GREB1: variants seen among roughly 807,000 people sequenced by gnomAD.
GREB1 encodes the protein protein GREB1.
GREB1 carries 106 observed loss-of-function variants against 200.7 expected under a neutral mutation model. The ratio of observed to expected loss-of-function variants is 0.53; its 90% CI spans 0.45 to 0.62. The LOEUF (loss-of-function observed/expected upper bound fraction) is 0.62, where lower values mean the gene tolerates loss of function less well. GREB1 is among the 20% of genes least tolerant of loss of function. GREB1 has a pLI of 0.00. For missense variants in GREB1, 2,243 were observed against 2,556.8 expected (o/e 0.88, Z 2.65); for synonymous variants, 1,132 against 1,092.4 (o/e 1.04, Z -0.72).
intron 1 of GREB1, among the ~76,000 whole-genome samples, chr2:11,486,593 C>T (rs1302251990): frequency 6.6e-6 from 1 of 152,038 alleles, no homozygotes; most frequent in East Asian, 1.9e-4. Flanking sequence ...TAGCTGATGC[C>T]TATAGTCCCA....
chr2:11,538,281 C>T (rs1233570913), intron 1 of GREB1, among the ~76,000 whole-genome samples: 10 of 152,290 alleles, frequency 6.6e-5, no homozygotes, highest in Admixed American at 1.3e-4. Flanking sequence ...TACCCTTTAG[C>T]GCCTGGCAAT....
At chr2:11,491,589 A>G (rs1244305970) in intron 1 of GREB1, among the ~76,000 whole-genome samples, 1 of 152,242 alleles carries the variant, frequency 6.6e-6, no homozygotes, top group Admixed American at 6.5e-5. Context: ...TGGAAGAGCT[A>G]TTCCACCTTC....
chr2:11,596,362 G>A, intron 13 of GREB1, 123 bp downstream of exon 13: 2 of 752,888 alleles, frequency 2.7e-6, no homozygotes, highest in South Asian at 1.8e-5. Flanking sequence ...CAGTGAGGGG[G>A]CAGGGGCACA....
chr2:11,576,438 C>T lies in GREB1; in HGVS notation c.540C>T (p.Thr180=). The change falls in exon 5 of 33, where the codon ACC becomes ACT. Residue 180 remains threonine, a synonymous_variant. Coordinates refer to ENST00000381486, the MANE Select transcript of GREB1 (RefSeq NM_014668.4). The part of the protein sequence containing the change: ...EFSNHINLKL[T]TQPKKQKHLK... ...CCAATCATATAAATCTGAAACTGAC[C>T]ACTCAACCCAAGAAGCAGAAACACT... 4 of 1,613,724 alleles carry T rather than the reference C, an allele frequency of 2.5e-6. No individual in the cohort carries two copies. The South Asian group carries it at 4.4e-5, about 18-fold the overall frequency.
intron 2 of GREB1, among the ~76,000 whole-genome samples, chr2:11,558,217 A>G (rs1023079844): frequency 4.6e-5 from 7 of 152,242 alleles, no homozygotes; most frequent in African/African-American, 1.7e-4. Context: ...GGGGACAGAC[A>G]AGGGCTTGAG....
Position 11,576,467 on chromosome 2 carries a change from A to G in GREB1, c.569A>G (p.Lys190Arg). 2 of 1,614,038 alleles carry G rather than the reference A, an allele frequency of 1.2e-6. No individual in the cohort carries two copies. Among genetic ancestry groups the G allele is most frequent in the Non-Finnish European group, 1.7e-6 (2 of 1,179,840 alleles). The change falls in exon 5 of 33, where the codon AAG becomes AGG. Residue 190 changes from lysine to arginine, a missense_variant. Lys to Arg is a conservative substitution (Grantham distance 26). Coordinates refer to ENST00000381486, the MANE Select transcript of GREB1 (RefSeq NM_014668.4). Reference sequence around the variant, plus strand: ...CAACCCAAGAAGCAGAAACACTTGAAGTATTACCTGGTCCGTAATGCACAA... The same window carrying G: ...CAACCCAAGAAGCAGAAACACTTGAGGTATTACCTGGTCCGTAATGCACAA... ...TTQPKKQKHL[K>R]YYLVRNAQGT...
At chr2:11,592,690 G>A in intron 10 of GREB1, 86 bp from the exon 11 acceptor site, 1 of 827,738 alleles carries the variant, frequency 1.2e-6, no homozygotes, top group Non-Finnish European at 1.8e-6. Context: ...TAATAACTTA[G>A]GTGGGTACTT....
At chr2:11,624,148 A>G (rs1184830064) in intron 23 of GREB1, among the ~76,000 whole-genome samples, 2 of 152,096 alleles carry the variant, frequency 1.3e-5, no homozygotes, top group African/African-American at 4.8e-5. Flanking sequence ...CTAAGAGGAG[A>G]GTGTCAAGTC....
At position 11,638,824 on chromosome 2, in the gene GREB1, CTT is replaced by C; in HGVS notation, c.5686+16_5686+17del. Reference sequence around the variant, plus strand: ...TTTTCTGAAAGGTAACTTTTGTACTCTTAACTCTGCACCTTGTCTTCAATGGC... The same window carrying C: ...TTTTCTGAAAGGTAACTTTTGTACTCAACTCTGCACCTTGTCTTCAATGGC... On this transcript the variant is annotated intron_variant, in intron 32 of 32. Coordinates refer to ENST00000381486, the MANE Select transcript of GREB1 (RefSeq NM_014668.4). 6.2e-7 allele frequency: 1 copy of C among 1,613,258 alleles called. No homozygotes were observed. Among genetic ancestry groups the C allele is most frequent in the East Asian group, 2.2e-5 (1 of 44,882 alleles).
intron 19 of GREB1, among the ~76,000 whole-genome samples, chr2:11,613,960 G>T (rs1683161741): frequency 6.6e-6 from 1 of 152,148 alleles, no homozygotes; most frequent in African/African-American, 2.4e-5. Flanking sequence ...GCAAGTCTGA[G>T]CACGGGGTTG....
At chr2:11,533,510 CA>C (rs1473840823), upstream of GREB1, among the ~76,000 whole-genome samples, 1 of 152,176 alleles carries the variant, frequency 6.6e-6, no homozygotes, top group Non-Finnish European at 1.5e-5. Flanking sequence ...CAGGCACACC[CA>C]GCTCCACAGC....
intron 1 of GREB1, among the ~76,000 whole-genome samples, chr2:11,519,993 C>T (rs188911674): frequency 6.6e-6 from 1 of 152,084 alleles, no homozygotes; most frequent in Non-Finnish European, 1.5e-5. Context: ...CAAAAATTAG[C>T]CAGGCATGGT....
chr2:11,587,168 G>A (rs916170593), intron 9 of GREB1, among the ~76,000 whole-genome samples: 11 of 152,014 alleles, frequency 7.2e-5, no homozygotes, highest in African/African-American at 1.9e-4. Context: ...TGCACCCCTC[G>A]CTGTAAAGCC....
rs1037710544 is a variant in GREB1, at chr2:11,633,532, C to T, written c.4991+469C>T. Among the ~76,000 whole-genome samples the T allele has an allele frequency of 7.3e-5, 11 of 150,874 alleles. No individual in the cohort carries two copies. The highest frequency in any genetic ancestry group is 1.3e-4 in the Non-Finnish European group (9 of 67,836). On this transcript the variant is annotated intron_variant, in intron 28 of 32. Transcript: ENST00000381486. The surrounding 1 kb of genome is among the most constrained non-coding windows in gnomAD (Gnocchi z 4.1). Reference sequence around the variant, plus strand: ...TAAGTGGAGATGGCGCCACTGCACTCCAGCCTGGCAGACAGAGCGAGACTC... The same window carrying T: ...TAAGTGGAGATGGCGCCACTGCACTTCAGCCTGGCAGACAGAGCGAGACTC...
rs1055127706 is a variant in GREB1, at chr2:11,600,569, TACCGTC to T, written c.2334-230_2334-225del. ...TGTCTTGTAAGAAATCCTCTCTGAC[TACCGTC>T]CCACGCCAGACACATTTTTCCTAAG... is the stretch of plus-strand genomic sequence containing the variant. On this transcript the variant is annotated intron_variant, in intron 15 of 32. Coordinates refer to ENST00000381486, the MANE Select transcript of GREB1 (RefSeq NM_014668.4). Among the ~76,000 whole-genome samples the T allele has an allele frequency of 2.6e-5, 4 of 152,268 alleles. 1 individual carries two copies. The highest frequency in any genetic ancestry group is 6.5e-5 in the Admixed American group (1 of 15,302).
Position 11,612,400 on chromosome 2 carries a change from T to C in GREB1, c.3007-95T>C. ...TGGTCAGAAGATATAGTTCAAGGAG[T>C]TTAAATTGGTGTGGGAGGCCATCAG... On this transcript the variant is annotated intron_variant, in intron 18 of 32. Coordinates refer to ENST00000381486, the MANE Select transcript of GREB1 (RefSeq NM_014668.4). 5 of 1,483,732 alleles carry C rather than the reference T, an allele frequency of 3.4e-6. No individual in the cohort carries two copies. In the South Asian group the frequency reaches 6.5e-5, roughly 19 times the overall value. The allele number at this position is 1,483,732 out of a possible 1,614,324, so 91.9% of individuals were successfully genotyped here. A position where few individuals can be genotyped will look rare whatever the true frequency, so the allele number is the denominator to read the frequency against.
At chr2:11,595,215 A>G (rs1558605118) in intron 11 of GREB1, 36 bp from the exon 12 acceptor site, 3 of 1,588,910 alleles carry the variant, frequency 1.9e-6, no homozygotes, top group South Asian at 1.1e-5. Flanking sequence ...AGCAGGGAAG[A>G]TACAATGGGT....
intron 1 of GREB1, among the ~76,000 whole-genome samples, chr2:11,514,799 C>G (rs549038674): frequency 6.6e-6 from 1 of 152,328 alleles, no homozygotes; most frequent in South Asian, 2.1e-4. Context: ...TGGCATTTCC[C>G]CCTACTAGGT....
intron 1 of GREB1, among the ~76,000 whole-genome samples, chr2:11,555,457 T>C (rs1676339395): frequency 6.6e-6 from 1 of 152,236 alleles, no homozygotes; most frequent in Non-Finnish European, 1.5e-5. Flanking sequence ...TGTATTATAG[T>C]ATGATTATAA....
Sources: gnomAD v4.1 joint callset for allele counts (sites outside exome capture counted in the v4.1 genomes callset) on GRCh38, gnomAD v4.1.1 for gene constraint, Gnocchi (gnomAD v3.1) non-coding constraint, MANE v1.5 for transcripts, NCBI Gene and HGNC (gene_info 2026-07-23, HGNC 2026-07-21) for gene names.